The following CFAP95 variants were observed in gnomAD, a reference collection of about 807,000 sequenced individuals.
CFAP95 encodes the protein cilia- and flagella-associated protein 95.
chr9:69,879,559 G>A, the CFAP95 span, among the ~76,000 whole-genome samples: 4 of 151,998 alleles, frequency 2.6e-5, no homozygotes, highest in Admixed American at 6.6e-5. Context: ...TACATCCTAC[G>A]TTCACTTTGG....
the CFAP95 span, among the ~76,000 whole-genome samples, chr9:69,843,631 C>CTTCGTCTTCTTCTTCT: frequency 1.8e-4 from 8 of 44,574 alleles, no homozygotes; most frequent in African/African-American, 6.3e-4. Flanking sequence ...CTTCTTCTTC[C>CTTCGTCTTCTTCTTCT]TCCTCCTCCT....
the CFAP95 span, among the ~76,000 whole-genome samples, chr9:69,842,217 G>A: frequency 6.6e-6 from 1 of 152,190 alleles, no homozygotes. Context: ...CAGAGCACCA[G>A]TCTACCTATG....
the CFAP95 span, chr9:69,821,116 C>T: frequency 2.0e-6 from 3 of 1,497,222 alleles, no homozygotes; most frequent in Non-Finnish European, 2.7e-6. Context: ...AAAGGAGAGT[C>T]AGAGAGAGGG....
At chr9:69,862,432 C>T in the CFAP95 span, among the ~76,000 whole-genome samples, 7 of 152,146 alleles carry the variant, frequency 4.6e-5, no homozygotes, top group African/African-American at 1.7e-4. Context: ...TTCTTTCTTT[C>T]AGTTAATATA....
chr9:69,882,395 A>G, the CFAP95 span, among the ~76,000 whole-genome samples: 1 of 152,228 alleles, frequency 6.6e-6, no homozygotes, highest in African/African-American at 2.4e-5. Flanking sequence ...TGTGCAAACA[A>G]GGATAATTTG....
the CFAP95 span, among the ~76,000 whole-genome samples, chr9:69,837,379 C>A: frequency 4.3e-4 from 66 of 151,798 alleles, no homozygotes; most frequent in Non-Finnish European, 8.4e-4. Flanking sequence ...TCTCCACATC[C>A]TCTCCAGCAC....
At chr9:69,830,159 T>C in the CFAP95 span, among the ~76,000 whole-genome samples, 1 of 152,214 alleles carries the variant, frequency 6.6e-6, no homozygotes, top group Non-Finnish European at 1.5e-5. Context: ...TTCTGGAATA[T>C]ATAACTTACA....
At chr9:69,865,755 G>C in the CFAP95 span, among the ~76,000 whole-genome samples, 1,340 of 152,246 alleles carry the variant, frequency 8.8e-3, 22 homozygotes, top group African/African-American at 0.03. Flanking sequence ...TCTTATACAA[G>C]CTGATATTTT....
At chr9:69,831,087 A>T in the CFAP95 span, among the ~76,000 whole-genome samples, 1 of 152,172 alleles carries the variant, frequency 6.6e-6, no homozygotes. Context: ...CTAAGTTGTG[A>T]TGCATTAACA....
the CFAP95 span, among the ~76,000 whole-genome samples, chr9:69,844,992 C>A: frequency 6.6e-6 from 1 of 152,164 alleles, no homozygotes; most frequent in African/African-American, 2.4e-5. Flanking sequence ...TCACTAATTA[C>A]AGAGGAGGGG....
the CFAP95 span, among the ~76,000 whole-genome samples, chr9:69,830,767 C>T: frequency 1.3e-5 from 2 of 152,152 alleles, no homozygotes; most frequent in African/African-American, 4.8e-5. Flanking sequence ...CCTGCCCCAG[C>T]CTTCCAAGCA....
At chr9:69,903,007 T>C in the CFAP95 span, among the ~76,000 whole-genome samples, 5 of 152,198 alleles carry the variant, frequency 3.3e-5, no homozygotes, top group African/African-American at 1.2e-4. Context: ...TTTAATAAGA[T>C]GTACAAAATC....
the CFAP95 span, among the ~76,000 whole-genome samples, chr9:69,869,355 A>G: frequency 6.6e-6 from 1 of 152,218 alleles, no homozygotes; most frequent in Admixed American, 6.5e-5. Context: ...ACAGACACAG[A>G]AAGAAAAGTA....
At chr9:69,835,636 C>T in the CFAP95 span, among the ~76,000 whole-genome samples, 1 of 152,188 alleles carries the variant, frequency 6.6e-6, no homozygotes, top group Non-Finnish European at 1.5e-5. Flanking sequence ...TTCATCTAAT[C>T]AATCAATCAG....
the CFAP95 span, among the ~76,000 whole-genome samples, chr9:69,829,793 A>G: frequency 1.3e-5 from 2 of 152,238 alleles, no homozygotes; most frequent in Non-Finnish European, 2.9e-5. Context: ...TGAGAAGCCC[A>G]GACTTGGGGC....
At chr9:69,832,921 A>G in the CFAP95 span, among the ~76,000 whole-genome samples, 1 of 152,062 alleles carries the variant, frequency 6.6e-6, no homozygotes, top group African/African-American at 2.4e-5. Context: ...CTAGCTTTAC[A>G]TATATATTTG....
the CFAP95 span, among the ~76,000 whole-genome samples, chr9:69,876,761 A>G: frequency 6.6e-6 from 1 of 151,894 alleles, no homozygotes; most frequent in Non-Finnish European, 1.5e-5. Flanking sequence ...CAGCCTCCCA[A>G]GTAGCTGGGA....
At chr9:69,861,595 C>G in the CFAP95 span, among the ~76,000 whole-genome samples, 293 of 152,104 alleles carry the variant, frequency 1.9e-3, 1 homozygote, top group African/African-American at 6.5e-3. Context: ...TTTCAGATAG[C>G]TCTCCCCACA....
the CFAP95 span, chr9:69,886,777 A>G: frequency 7.8e-7 from 1 of 1,289,854 alleles, no homozygotes; most frequent in Non-Finnish European, 1.1e-6. Flanking sequence ...TATACCAATA[A>G]AAATGTAAAA....
Sources: gnomAD v4.1 joint callset for allele counts (sites outside exome capture counted in the v4.1 genomes callset) on GRCh38, gnomAD v4.1.1 for gene constraint, MANE v1.5 for transcripts, NCBI Gene and HGNC (gene_info 2026-07-23, HGNC 2026-07-21) for gene names.